Variants in LARP1B observed in about 807,000 individuals in gnomAD.
LARP1B encodes the protein La ribonucleoprotein 1B.
Under a neutral mutation model 114.2 loss-of-function variants are expected in LARP1B, and 76 were observed. That is an observed-to-expected ratio of 0.67 (90% CI 0.55 to 0.81). The LOEUF is 0.81. Ranked by LOEUF, LARP1B falls within the 30% of genes least tolerant of loss-of-function variation. The pLI, the probability that LARP1B is intolerant of heterozygous loss-of-function variation, is 0.00. For missense variants in LARP1B, 1,014 were observed against 1,075.8 expected (o/e 0.94, Z 0.80); for synonymous variants, 345 against 348.0 (o/e 0.99, Z 0.10).
At chr4:128,085,650 G>C (rs1190121044) in intron 5 of LARP1B, among the ~76,000 whole-genome samples, 1 of 152,180 alleles carries the variant, frequency 6.6e-6, no homozygotes, top group Non-Finnish European at 1.5e-5. Context: ...TTACAAGCAT[G>C]AGCCACCGCA....
chr4:128,102,990 C>A (rs1396057873), intron 8 of LARP1B, among the ~76,000 whole-genome samples: 1 of 152,066 alleles, frequency 6.6e-6, no homozygotes, highest in Non-Finnish European at 1.5e-5. Flanking sequence ...CTCTTACTAC[C>A]AGGCAGTAAG....
intron 10 of LARP1B, among the ~76,000 whole-genome samples, chr4:128,116,198 C>T (rs994292646): frequency 2.6e-5 from 4 of 152,044 alleles, no homozygotes; most frequent in Non-Finnish European, 5.9e-5. Flanking sequence ...GGTAGATACA[C>T]GAACTTACAT....
chr4:128,137,770 CATATATAT>C (rs745646919), intron 11 of LARP1B, among the ~76,000 whole-genome samples: 1 of 141,320 alleles, frequency 7.1e-6, no homozygotes. Context: ...TGTGTGTATA[CATATATAT>C]ATATATATAT....
intron 9 of LARP1B, chr4:128,108,690 G>A (rs1213569699): frequency 1.0e-6 from 1 of 979,762 alleles, no homozygotes; most frequent in African/African-American, 1.8e-5. Context: ...TATAATGGGT[G>A]ATTATATAAG....
chr4:128,091,976 A>T (rs1776084874), intron 7 of LARP1B, among the ~76,000 whole-genome samples: 1 of 152,160 alleles, frequency 6.6e-6, no homozygotes, highest in African/African-American at 2.4e-5. Flanking sequence ...TTTTTAGGGA[A>T]TGTGATTAAA....
intron 1 of LARP1B, chr4:128,069,035 GA>G: frequency 1.1e-6 from 1 of 927,094 alleles, no homozygotes; most frequent in Non-Finnish European, 1.6e-6. Flanking sequence ...GGTGGAGCTG[GA>G]GAGTATTGCG....
chr4:128,206,408 C>G lies in LARP1B; in HGVS notation c.2310-20C>G. 1.4e-6 allele frequency: 2 copies of G among 1,428,664 alleles called. No individual in the cohort carries two copies. Among genetic ancestry groups the G allele is most frequent in the Non-Finnish European group, 1.9e-6 (2 of 1,041,664 alleles). 88.5% of individuals were successfully genotyped at this position (1,428,664 alleles called of 1,614,324 possible). Reference sequence around the variant, plus strand: ...AGAGATATTGTATTTTATTATAAACCTTTTATTTTCTCTTTATAGGTATGG... The same window carrying G: ...AGAGATATTGTATTTTATTATAAACGTTTTATTTTCTCTTTATAGGTATGG... On this transcript the variant is annotated intron_variant, in intron 17 of 19. Transcript: ENST00000326639.
chr4:128,114,804 C>T, intron 10 of LARP1B, 62 bp downstream of exon 10: 21 of 1,454,062 alleles, frequency 1.4e-5, no homozygotes, highest in Non-Finnish European at 1.9e-5. Context: ...GGTCAGTGCA[C>T]TTTATGTTTG....
intron 5 of LARP1B, among the ~76,000 whole-genome samples, chr4:128,083,985 C>T (rs62335645): frequency 0.6 from 89,214 of 149,138 alleles, 27,361 homozygotes; most frequent in Middle Eastern, 0.8. Flanking sequence ...ACTTCTCAGA[C>T]GGGGTGGCTG....
At position 128,082,668 on chromosome 4, in the gene LARP1B, T is replaced by C. The variant is rs571412282; in HGVS notation, c.358+363T>C. 1.5e-3 allele frequency among the ~76,000 whole-genome samples: 222 copies of C among 152,268 alleles called. 1 individual carries two copies. Among genetic ancestry groups the C allele is most frequent in the African/African-American group, 4.3e-3 (178 of 41,570 alleles). Reference sequence around the variant, plus strand: ...GTTCTTGCTTTTGTCTTTCATGACATTGATTTTTTTGAAGATTGTAGGATA... The same window carrying C: ...GTTCTTGCTTTTGTCTTTCATGACACTGATTTTTTTGAAGATTGTAGGATA... On this transcript the variant is annotated intron_variant, in intron 5 of 19. Transcript: ENST00000326639.
intron 4 of LARP1B, 23 bp from the exon 5 acceptor site, chr4:128,082,142 T>C: frequency 1.2e-6 from 2 of 1,604,300 alleles, no homozygotes; most frequent in Admixed American, 3.4e-5. Context: ...CATTTGTCCT[T>C]AAATGATTTT....
Position 128,199,594 on chromosome 4 carries a change from T to TA in LARP1B, c.2161dup (p.Ser721LysfsTer2). 1 of 1,540,120 alleles carries TA rather than the reference T, an allele frequency of 6.5e-7. No individual in the cohort carries two copies. The highest frequency in any genetic ancestry group is 8.8e-7 in the Non-Finnish European group (1 of 1,138,670). ...TACCACAAGTATCGTCGAAGATGCC[T>TA]AAGTGGTAAGATGCTTGTCCTTTAT... is the stretch of plus-strand genomic sequence containing the variant. On this transcript the variant is annotated frameshift_variant, in exon 16 of 20. Coordinates refer to ENST00000326639, the MANE Select transcript of LARP1B (RefSeq NM_018078.4). LOFTEE classifies it high-confidence loss of function.
chr4:128,098,304 A>G lies in LARP1B; in HGVS notation c.787A>G (p.Thr263Ala), dbSNP rs748733884. ...TGGTTTTCAGCGTGTTCAGGCTCTC[A>G]CTACAAACCTTAATCTCATCTTAGA... ...IAGFQRVQALTTNLNLILEAL... is the reference protein window; with the variant it reads ...IAGFQRVQALATNLNLILEAL... Residue 263 changes from threonine to alanine, a missense_variant, in exon 8 of 20, where the codon ACT becomes GCT. Transcript: ENST00000326639. The G allele has an allele frequency of 2.5e-6, 4 of 1,613,606 alleles. No individual in the cohort carries two copies. The highest frequency in any genetic ancestry group is 1.1e-5 in the South Asian group (1 of 90,986).
intron 11 of LARP1B, among the ~76,000 whole-genome samples, chr4:128,139,389 A>G (rs1368643101): frequency 6.6e-6 from 1 of 152,158 alleles, no homozygotes. Context: ...GCTATTCTAG[A>G]GGCTAAGGCA....
At chr4:128,168,168 T>C (rs1204736868) in intron 12 of LARP1B, among the ~76,000 whole-genome samples, 1 of 152,076 alleles carries the variant, frequency 6.6e-6, no homozygotes, top group East Asian at 1.9e-4. Flanking sequence ...AGTATAACTT[T>C]TTAAGAAACT....
intron 9 of LARP1B, among the ~76,000 whole-genome samples, chr4:128,114,039 A>T (rs1784997736): frequency 6.6e-6 from 1 of 152,194 alleles, no homozygotes; most frequent in Non-Finnish European, 1.5e-5. Flanking sequence ...AGTATGAGCC[A>T]AAGTAGTAAA....
chr4:128,153,359 C>G (rs1192432383), intron 11 of LARP1B, among the ~76,000 whole-genome samples: 1 of 151,098 alleles, frequency 6.6e-6, no homozygotes, highest in African/African-American at 2.4e-5. Context: ...GTCTGTCGCC[C>G]AGGCTGGAGT....
chr4:128,155,388 C>T, intron 11 of LARP1B: 1 of 602,716 alleles, frequency 1.7e-6, no homozygotes, highest in African/African-American at 1.8e-5. Flanking sequence ...CAGCCCGGGG[C>T]ATGTTCTGAG....
At chr4:128,120,803 ATTTTTTTTTTT>A (rs56253884) in intron 10 of LARP1B, among the ~76,000 whole-genome samples, 1 of 128,962 alleles carries the variant, frequency 7.8e-6, no homozygotes, top group East Asian at 2.4e-4. Flanking sequence ...GGGGTAGACA[ATTTTTTTTTTT>A]TTTTTTTTTT....
Sources: gnomAD v4.1 joint callset for allele counts (sites outside exome capture counted in the v4.1 genomes callset) on GRCh38, gnomAD v4.1.1 for gene constraint, MANE v1.5 for transcripts, NCBI Gene and HGNC (gene_info 2026-07-23, HGNC 2026-07-21) for gene names.